FGD4: variants seen among roughly 807,000 people sequenced by gnomAD.
FGD4 encodes the protein FYVE, RhoGEF and PH domain-containing protein 4.
FGD4 carries 42 observed loss-of-function variants against 102.0 expected under a neutral mutation model. The observed-to-expected ratio is 0.41, with a 90% CI of 0.32 to 0.53. The LOEUF (loss-of-function observed/expected upper bound fraction) is 0.53. Ranked by LOEUF, FGD4 falls within the 20% of genes least tolerant of loss-of-function variation. The pLI is 0.21. For synonymous variants in FGD4, 380 were observed against 375.7 expected (o/e 1.01, Z -0.13); for missense variants, 902 against 1,078.2 (o/e 0.84, Z 2.29).
intron 7 of FGD4, among the ~76,000 whole-genome samples, chr12:32,606,613 G>A (rs1948800825): frequency 1.3e-5 from 2 of 151,958 alleles, no homozygotes; most frequent in African/African-American, 4.8e-5. Context: ...ATCAGAGGTT[G>A]CATTAAATGT....
chr12:32,463,659 TA>T (rs1421961931), intron 1 of FGD4, among the ~76,000 whole-genome samples: 5 of 152,202 alleles, frequency 3.3e-5, no homozygotes, highest in Admixed American at 3.3e-4. Context: ...GCCTGTGAAA[TA>T]GGGGGAGCAG....
intron 1 of FGD4, among the ~76,000 whole-genome samples, chr12:32,517,757 G>A (rs965856468): frequency 6.6e-6 from 1 of 152,058 alleles, no homozygotes; most frequent in Admixed American, 6.6e-5. Flanking sequence ...ATGGTGGCAT[G>A]TGCCTGTAGT....
intron 1 of FGD4, among the ~76,000 whole-genome samples, chr12:32,465,623 G>A (rs971925384): frequency 5.9e-5 from 9 of 151,838 alleles, no homozygotes; most frequent in Non-Finnish European, 8.8e-5. Context: ...AGCTGAGATC[G>A]CGCCACTGCG....
At chr12:32,580,614 G>A (rs951753770) in intron 3 of FGD4, among the ~76,000 whole-genome samples, 4 of 152,226 alleles carry the variant, frequency 2.6e-5, no homozygotes, top group South Asian at 4.1e-4. Flanking sequence ...ATGGCCGGGC[G>A]CGGTGGCTCA....
At chr12:32,579,524 C>A (rs1946424745) in intron 3 of FGD4, 1 of 152,248 alleles carries the variant, frequency 6.6e-6, no homozygotes, top group Non-Finnish European at 1.5e-5. Context: ...ATATCACTTA[C>A]TATGGGACAT....
At chr12:32,492,715 A>G (rs1944148749) in intron 1 of FGD4, among the ~76,000 whole-genome samples, 1 of 152,228 alleles carries the variant, frequency 6.6e-6, no homozygotes, top group African/African-American at 2.4e-5. Flanking sequence ...GGGAAAAGAT[A>G]TCATCAGGAG....
intron 1 of FGD4, among the ~76,000 whole-genome samples, chr12:32,446,926 G>C (rs1942632455): frequency 6.6e-6 from 1 of 152,218 alleles, no homozygotes; most frequent in African/African-American, 2.4e-5. Context: ...ATCCTGCCCA[G>C]AGCCGGAAGC....
In FGD4 at chr12:32,641,327, C is replaced by T. The variant is rs1951147810; in HGVS notation, c.*794C>T. On this transcript the variant is annotated 3_prime_UTR_variant, in exon 17 of 17. Coordinates refer to ENST00000534526, the MANE Select transcript of FGD4 (RefSeq NM_001370298.3). The stretch of plus-strand genomic sequence containing the variant: ...AGGGTATTGATATTTTTATAATAAG[C>T]GGTAATTTATGTGGCATGGGATATA... The T allele has an allele frequency of 6.6e-6, 1 of 151,932 alleles. No individual in the cohort carries two copies. The highest frequency in any genetic ancestry group is 1.5e-5 in the Non-Finnish European group (1 of 67,976). The allele number at this position is 151,932 out of a possible 1,614,324, so 9.4% of individuals were successfully genotyped here.
intron 1 of FGD4, among the ~76,000 whole-genome samples, chr12:32,478,351 G>A (rs1314202658): frequency 6.6e-6 from 1 of 152,052 alleles, no homozygotes; most frequent in East Asian, 1.9e-4. Flanking sequence ...TGCAGCCTCC[G>A]TCTCCCAGAT....
intron 4 of FGD4, among the ~76,000 whole-genome samples, chr12:32,586,114 G>T (rs1182532576): frequency 6.6e-6 from 1 of 152,112 alleles, no homozygotes; most frequent in African/African-American, 2.4e-5. Context: ...GAGGTACAAG[G>T]CTAGATTTAG....
Position 32,576,405 on chromosome 12 carries a change from A to G in FGD4, c.459A>G (p.Lys153=). 1 of 1,613,998 alleles carries G rather than the reference A, an allele frequency of 6.2e-7. No homozygotes were observed. The highest frequency in any genetic ancestry group is 1.3e-5 in the African/African-American group (1 of 74,902). ...PASASCVSKE[K]PSKVSDLISR... ...CTGCTTCTTGTGTCTCAAAAGAAAA[A>G]CCCAGTAAGGTATCAGATCTCATCA... Residue 153 remains lysine, a synonymous_variant, in exon 3 of 17, where the codon AAA becomes AAG. Transcript: ENST00000534526.
chr12:32,401,644 T>A (rs1940666181), intron 1 of FGD4, among the ~76,000 whole-genome samples: 1 of 152,064 alleles, frequency 6.6e-6, no homozygotes, highest in Non-Finnish European at 1.5e-5. Flanking sequence ...GGAAGTGCCC[T>A]TTTAGCAGTA....
intron 1 of FGD4, among the ~76,000 whole-genome samples, chr12:32,516,434 A>G (rs956101183): frequency 2.6e-5 from 4 of 152,294 alleles, no homozygotes; most frequent in African/African-American, 4.8e-5. Flanking sequence ...ATGAGCCACC[A>G]TGCCTGGCCT....
chr12:32,577,176 A>AT (rs140195788), intron 3 of FGD4, among the ~76,000 whole-genome samples: 1 of 151,966 alleles, frequency 6.6e-6, no homozygotes, highest in Non-Finnish European at 1.5e-5. Flanking sequence ...TCAATTGTTT[A>AT]TTTTTTCTTA....
intron 1 of FGD4, among the ~76,000 whole-genome samples, chr12:32,470,920 C>T (rs1206569512): frequency 1.3e-5 from 2 of 152,180 alleles, no homozygotes; most frequent in African/African-American, 4.8e-5. Flanking sequence ...TGACATGTCC[C>T]ATCCTTGGGT....
chr12:32,589,054 C>T (rs550241788), intron 4 of FGD4, among the ~76,000 whole-genome samples: 1 of 152,282 alleles, frequency 6.6e-6, no homozygotes, highest in East Asian at 1.9e-4. Flanking sequence ...CTTCAACCTC[C>T]CTGTGCCTCA....
At chr12:32,574,740 G>C (rs1172222113) in intron 2 of FGD4, 1 of 152,116 alleles carries the variant, frequency 6.6e-6, no homozygotes, top group Non-Finnish European at 1.5e-5. Context: ...AGGCCAGTGA[G>C]CATGAGCCAA....
At chr12:32,457,526 G>T (rs1045377096) in intron 1 of FGD4, among the ~76,000 whole-genome samples, 1 of 152,118 alleles carries the variant, frequency 6.6e-6, no homozygotes, top group East Asian at 1.9e-4. Context: ...ATATCTAATT[G>T]CTAGGGTCTT....
At chr12:32,561,382 TGGCCCAAATGTGGTTTCTAATCAA>T (rs1944578845) in intron 1 of FGD4, among the ~76,000 whole-genome samples, 1 of 152,174 alleles carries the variant, frequency 6.6e-6, no homozygotes, top group African/African-American at 2.4e-5. Flanking sequence ...CCACCGCACC[TGGCCCAAATGTGGTTTCTAATCAA>T]TATTATTTAA....
Sources: allele counts gnomAD v4.1 joint callset (sites outside exome capture counted in the v4.1 genomes callset), GRCh38; gene constraint gnomAD v4.1.1; transcripts MANE v1.5; gene names NCBI Gene and HGNC (gene_info 2026-07-23, HGNC 2026-07-21).